The following CDC42SE2 variants were observed in gnomAD, a reference collection of about 807,000 sequenced individuals.
CDC42SE2 encodes CDC42 small effector 2, also known as CDC42 small effector protein 2.
A neutral mutation model predicts 11.5 loss-of-function variants in CDC42SE2; 3 were observed. The observed-to-expected ratio is 0.26, with a 90% CI of 0.12 to 0.67. The LOEUF is 0.67. Ranked by LOEUF, CDC42SE2 falls within the 30% of genes least tolerant of loss-of-function variation. The probability of loss-of-function intolerance (pLI) is 0.80; values close to 1 mark genes in which losing one functional copy is unlikely to be tolerated. For synonymous variants in CDC42SE2, 33 were observed against 34.8 expected (o/e 0.95, Z 0.18); for missense variants, 82 against 106.8 (o/e 0.77, Z 1.02).
At chr5:131,333,366 G>A (rs1196067509) in intron 2 of CDC42SE2, among the ~76,000 whole-genome samples, 1 of 152,158 alleles carries the variant, frequency 6.6e-6, no homozygotes, top group South Asian at 2.1e-4. Context: ...TTTGGTTACT[G>A]TAGCCTTGTA....
At chr5:131,272,625 A>G (rs1208674557) in intron 1 of CDC42SE2, among the ~76,000 whole-genome samples, 1 of 151,980 alleles carries the variant, frequency 6.6e-6, no homozygotes, top group Non-Finnish European at 1.5e-5. Context: ...GAGCTGCATC[A>G]TTTCCCCATT....
At chr5:131,276,773 G>A (rs991771889) in intron 1 of CDC42SE2, among the ~76,000 whole-genome samples, 3 of 150,312 alleles carry the variant, frequency 2.0e-5, no homozygotes, top group Non-Finnish European at 4.4e-5. Context: ...TGTCACCCAG[G>A]TGGGAATGTA....
chr5:131,261,055 T>C (rs1393258122), upstream of CDC42SE2, among the ~76,000 whole-genome samples: 1 of 152,272 alleles, frequency 6.6e-6, no homozygotes, highest in South Asian at 2.1e-4. Flanking sequence ...GTGGCTGTTA[T>C]ATGAGCTCAA....
At chr5:131,242,666 CTTG>C (rs1172140453), upstream of CDC42SE2, among the ~76,000 whole-genome samples, 2 of 152,122 alleles carry the variant, frequency 1.3e-5, no homozygotes. Context: ...TATGTATGCT[CTTG>C]TTTGATCATT....
intron 1 of CDC42SE2, among the ~76,000 whole-genome samples, chr5:131,284,822 A>G (rs1314787388): frequency 6.6e-6 from 1 of 152,146 alleles, no homozygotes; most frequent in Non-Finnish European, 1.5e-5. Context: ...CAATGATCAT[A>G]TATTCCTTTT....
chr5:131,257,915 A>AAC (rs912740844), intron 2 of CDC42SE2, among the ~76,000 whole-genome samples: 1 of 151,592 alleles, frequency 6.6e-6, no homozygotes, highest in Non-Finnish European at 1.5e-5. Flanking sequence ...ATGGCTTCCT[A>AAC]ACACACACTG....
chr5:131,329,237 A>G (rs377501134), intron 2 of CDC42SE2, among the ~76,000 whole-genome samples: 96 of 152,298 alleles, frequency 6.3e-4, no homozygotes, highest in African/African-American at 2.3e-3. Context: ...TCTCTCTTTT[A>G]AGTCCTACCT....
intron 3 of CDC42SE2, among the ~76,000 whole-genome samples, chr5:131,380,489 T>C (rs374304428): frequency 6.6e-6 from 1 of 152,226 alleles, no homozygotes; most frequent in African/African-American, 2.4e-5. Context: ...TGTGCCATTC[T>C]TTAAATGTCC....
At chr5:131,303,928 G>A (rs1757732377) in intron 1 of CDC42SE2, among the ~76,000 whole-genome samples, 1 of 152,030 alleles carries the variant, frequency 6.6e-6, no homozygotes, top group South Asian at 2.1e-4. Context: ...TCTGCATAGA[G>A]ATGGAGTGTA....
At chr5:131,347,445 CCAGG>C in intron 2 of CDC42SE2, among the ~76,000 whole-genome samples, 1 of 152,222 alleles carries the variant, frequency 6.6e-6, no homozygotes, top group East Asian at 1.9e-4. Context: ...CAAGACTAAA[CCAGG>C]AAGAAGTTGA....
intron 1 of CDC42SE2, among the ~76,000 whole-genome samples, chr5:131,274,494 GTAT>G (rs1417762775): frequency 2.2e-4 from 33 of 152,190 alleles, no homozygotes; most frequent in African/African-American, 7.5e-4. Flanking sequence ...TCTCTTGCAT[GTAT>G]TATTTTAGTA....
intron 2 of CDC42SE2, among the ~76,000 whole-genome samples, chr5:131,317,884 G>A (rs1385502809): frequency 3.3e-5 from 5 of 149,870 alleles, no homozygotes; most frequent in Admixed American, 3.3e-4. Flanking sequence ...TTTCTTGATC[G>A]ATTCTGATGA....
At chr5:131,309,857 C>G (rs1757863638) in intron 1 of CDC42SE2, among the ~76,000 whole-genome samples, 2 of 151,972 alleles carry the variant, frequency 1.3e-5, no homozygotes, top group South Asian at 4.1e-4. Context: ...ATTAGTCTTG[C>G]TAGCGGTCTA....
At chr5:131,252,352 A>G (rs1756647134) in intron 1 of CDC42SE2, among the ~76,000 whole-genome samples, 1 of 152,198 alleles carries the variant, frequency 6.6e-6, no homozygotes, top group African/African-American at 2.4e-5. Flanking sequence ...CATATTCTAA[A>G]TAAAGTCAAA....
At chr5:131,263,878 C>T (rs546556865), upstream of CDC42SE2, 6 of 152,430 alleles carry the variant, frequency 3.9e-5, no homozygotes, top group East Asian at 5.8e-4. Flanking sequence ...CATCGCCTGC[C>T]GGCCGATTCG....
the CDC42SE2 span, among the ~76,000 whole-genome samples, chr5:131,211,602 G>C: frequency 2.6e-5 from 4 of 152,162 alleles, no homozygotes; most frequent in Non-Finnish European, 2.9e-5. Context: ...TGTGGATTGT[G>C]GGAACGTCCC....
chr5:131,272,317 G>A (rs540220266), intron 1 of CDC42SE2, among the ~76,000 whole-genome samples: 4 of 151,996 alleles, frequency 2.6e-5, no homozygotes, highest in Non-Finnish European at 5.9e-5. Flanking sequence ...CACTGCACCT[G>A]GCCTAATCCT....
chr5:131,388,138 G>A (rs1750543379), intron 4 of CDC42SE2, among the ~76,000 whole-genome samples: 1 of 152,104 alleles, frequency 6.6e-6, no homozygotes, highest in African/African-American at 2.4e-5. Flanking sequence ...GGGATTACAG[G>A]CTCCTGCCAC....
At chr5:131,253,898 T>TGAAAGTG (rs1756659997) in intron 1 of CDC42SE2, among the ~76,000 whole-genome samples, 2 of 152,262 alleles carry the variant, frequency 1.3e-5, no homozygotes, top group African/African-American at 4.8e-5. Context: ...TCATAGTCAC[T>TGAAAGTG]TTCAGTGTTC....
Sources: allele counts gnomAD v4.1 joint callset (sites outside exome capture counted in the v4.1 genomes callset), GRCh38; gene constraint gnomAD v4.1.1; transcripts MANE v1.5; gene names NCBI Gene and HGNC (gene_info 2026-07-23, HGNC 2026-07-21).